SYT16: variants seen among roughly 807,000 people sequenced by gnomAD.
SYT16 encodes the protein synaptotagmin-16.
SYT16 carries 42 observed loss-of-function variants against 61.4 expected under a neutral mutation model. The observed-to-expected ratio is 0.68, with a 90% CI of 0.53 to 0.89. The LOEUF is 0.89. Ranked by LOEUF, SYT16 falls within the 40% of genes least tolerant of loss-of-function variation. The pLI is 0.00. For missense variants in SYT16, 804 were observed against 807.3 expected, an observed-to-expected ratio of 1.00 and a Z score of 0.05; for synonymous variants, 314 against 302.3, an observed-to-expected ratio of 1.04 and a Z score of -0.40.
At chr14:61,990,801 T>C (rs1238712210) in intron 2 of SYT16, among the ~76,000 whole-genome samples, 1 of 152,154 alleles carries the variant, frequency 6.6e-6, no homozygotes, top group Non-Finnish European at 1.5e-5. Context: ...GCATTGTTAT[T>C]CTGGGATGGA....
chr14:61,853,686 C>T (rs886766698), intron 1 of SYT16, among the ~76,000 whole-genome samples: 1 of 152,160 alleles, frequency 6.6e-6, no homozygotes, highest in Non-Finnish European at 1.5e-5. Context: ...TTTTAAGCCG[C>T]TAGCTTATGG....
chr14:61,926,782 C>T (rs993940720), intron 1 of SYT16, among the ~76,000 whole-genome samples: 1 of 152,110 alleles, frequency 6.6e-6, no homozygotes, highest in African/African-American at 2.4e-5. Flanking sequence ...TGTGTGGCCC[C>T]TCCCCCTCAC....
At chr14:62,028,849 A>G (rs1311662810) in intron 3 of SYT16, among the ~76,000 whole-genome samples, 1 of 152,236 alleles carries the variant, frequency 6.6e-6, no homozygotes, top group African/African-American at 2.4e-5. Flanking sequence ...ATTTATAACT[A>G]TGAACTTGAA....
chr14:61,964,785 C>T (rs2051245354), intron 1 of SYT16, among the ~76,000 whole-genome samples: 1 of 152,074 alleles, frequency 6.6e-6, no homozygotes, highest in Admixed American at 6.6e-5. Flanking sequence ...TTTAAGGTAA[C>T]AGCCACCCCA....
intron 2 of SYT16, among the ~76,000 whole-genome samples, chr14:61,982,148 C>T (rs1033818934): frequency 1.4e-4 from 21 of 152,084 alleles, no homozygotes; most frequent in African/African-American, 4.3e-4. Context: ...ATAGTCATAG[C>T]ATGGAATTTT....
intron 1 of SYT16, chr14:61,864,734 C>A: frequency 1.0e-6 from 1 of 989,266 alleles, no homozygotes; most frequent in Non-Finnish European, 1.5e-6. Context: ...GACAACGTGT[C>A]CACTCGCTAC....
intron 1 of SYT16, among the ~76,000 whole-genome samples, chr14:61,892,950 C>G (rs1368659015): frequency 6.6e-6 from 1 of 152,072 alleles, no homozygotes; most frequent in African/African-American, 2.4e-5. Context: ...CAGGTGGGGC[C>G]GCCTTCCACA....
chr14:62,047,423 G>C (rs565180916), intron 3 of SYT16, among the ~76,000 whole-genome samples: 1 of 152,296 alleles, frequency 6.6e-6, no homozygotes, highest in East Asian at 1.9e-4. Flanking sequence ...TCTGCAAACA[G>C]GGACAATTTG....
chr14:61,848,105 C>T (rs2046498185), intron 1 of SYT16, among the ~76,000 whole-genome samples: 1 of 152,172 alleles, frequency 6.6e-6, no homozygotes, highest in Non-Finnish European at 1.5e-5. Flanking sequence ...GTATGGTCTT[C>T]ATGCTTGTGG....
chr14:61,993,610 G>A (rs1018694700), intron 2 of SYT16, among the ~76,000 whole-genome samples: 8 of 151,818 alleles, frequency 5.3e-5, no homozygotes, highest in East Asian at 3.9e-4. Flanking sequence ...AATCTGTGAC[G>A]CACTGAAGCT....
rs934643539 is a variant in SYT16, at chr14:61,944,170, T to G, written c.-324-25962T>G. Among the ~76,000 whole-genome samples, 38 of 152,122 alleles carry G rather than the reference T, an allele frequency of 2.5e-4. 1 individual carries two copies. Among genetic ancestry groups the G allele is most frequent in the Admixed American group, 6.5e-4 (10 of 15,276 alleles). ...AGAATAAAATACCTAGGAATCCAAC[T>G]TACATGGGGTGTGAAAGACCTCTTC... is the stretch of plus-strand genomic sequence containing the variant. On this transcript the variant is annotated intron_variant, in intron 1 of 7. Coordinates refer to ENST00000683842, the MANE Select transcript of SYT16 (RefSeq NM_001367656.1).
chr14:61,944,979 A>G (rs949886486), intron 1 of SYT16, among the ~76,000 whole-genome samples: 1 of 152,224 alleles, frequency 6.6e-6, no homozygotes, highest in Non-Finnish European at 1.5e-5. Flanking sequence ...AATTTTTGCA[A>G]TCTATCTGTC....
intron 1 of SYT16, among the ~76,000 whole-genome samples, chr14:61,842,972 C>T (rs1482732606): frequency 1.3e-5 from 2 of 152,066 alleles, no homozygotes; most frequent in East Asian, 3.9e-4. Context: ...TTTTCTTTAT[C>T]CACGCATCTG....
chr14:61,993,512 A>G (rs1466979508), intron 2 of SYT16, among the ~76,000 whole-genome samples: 4 of 152,156 alleles, frequency 2.6e-5, no homozygotes, highest in Non-Finnish European at 5.9e-5. Flanking sequence ...ATTAAGGAAA[A>G]CATGTCATTT....
At chr14:61,954,259 A>G (rs938484159) in intron 1 of SYT16, among the ~76,000 whole-genome samples, 1 of 147,964 alleles carries the variant, frequency 6.8e-6, no homozygotes, top group African/African-American at 2.5e-5. Context: ...GCTTCCTTTA[A>G]TCTTATTTCT....
intron 1 of SYT16, among the ~76,000 whole-genome samples, chr14:61,932,269 T>G (rs574130898): frequency 9.9e-5 from 15 of 152,232 alleles, no homozygotes; most frequent in African/African-American, 2.4e-5. Context: ...GGTGGACCCA[T>G]GGCCCCCTTC....
chr14:62,031,709 A>G (rs916047971), intron 3 of SYT16, among the ~76,000 whole-genome samples: 1 of 152,166 alleles, frequency 6.6e-6, no homozygotes, highest in Non-Finnish European at 1.5e-5. Context: ...TAATGACTCA[A>G]TATAAGCTCA....
intron 3 of SYT16, among the ~76,000 whole-genome samples, chr14:62,069,093 G>T (rs750783865): frequency 5.3e-5 from 8 of 152,182 alleles, no homozygotes; most frequent in Non-Finnish European, 7.3e-5. Flanking sequence ...ACTGCGTCTG[G>T]TGGGGTCTCT....
intron 3 of SYT16, among the ~76,000 whole-genome samples, chr14:62,046,671 T>G (rs924055430): frequency 1.3e-5 from 2 of 152,262 alleles, no homozygotes; most frequent in Non-Finnish European, 1.5e-5. Flanking sequence ...TTTCTACATA[T>G]GGTTAGCCAG....
Sources: allele counts gnomAD v4.1 joint callset (sites outside exome capture counted in the v4.1 genomes callset), GRCh38; gene constraint gnomAD v4.1.1; transcripts MANE v1.5; gene names NCBI Gene and HGNC (gene_info 2026-07-23, HGNC 2026-07-21).